HCN1: variants seen among roughly 807,000 people sequenced by gnomAD.
HCN1 encodes the protein hyperpolarization activated cyclic nucleotide gated potassium channel 1.
In HCN1, 13 loss-of-function variants were observed where a neutral mutation model predicts 78.9. That is an observed-to-expected ratio of 0.16 (90% confidence interval 0.11 to 0.26). The LOEUF is 0.26. HCN1 is among the 10% of genes least tolerant of loss of function. The probability of loss-of-function intolerance (pLI) is 1.00; values close to 1 mark genes in which losing one functional copy is unlikely to be tolerated. For synonymous variants in HCN1, 552 were observed against 455.5 expected, an observed-to-expected ratio of 1.21 and a Z score of -2.70; for missense variants, 810 against 1,154.3, an observed-to-expected ratio of 0.70 and a Z score of 4.32.
At chr5:45,656,482 A>T (rs1342860126) in intron 1 of HCN1, among the ~76,000 whole-genome samples, 1 of 152,214 alleles carries the variant, frequency 6.6e-6, no homozygotes, top group Admixed American at 6.5e-5. Flanking sequence ...AGCAGCAAAC[A>T]TAGTGCTAGT....
Position 45,391,076 on chromosome 5 carries a change from G to A in HCN1, c.1230+5416C>T, listed in dbSNP as rs559791773. Among the ~76,000 whole-genome samples the A allele has an allele frequency of 5.1e-5, 7 of 137,262 alleles. No individual in the cohort carries two copies. The South Asian group carries it at 6.2e-4, about 12-fold the overall frequency. The allele number at this position is 137,262 out of a possible 152,430, so 90.0% of individuals were successfully genotyped here. A position where few individuals can be genotyped will look rare whatever the true frequency, so the allele number is the denominator to read the frequency against. On this transcript the variant is annotated intron_variant, in intron 4 of 7. Coordinates refer to ENST00000303230, the MANE Select transcript of HCN1 (RefSeq NM_021072.4). ...CCCGGGAAGCAAAGTACATGCTGTA[G>A]CCTAATAAAAAATTTTTGACTAAGG...
Position 45,643,000 on chromosome 5 carries a change from A to G in HCN1, c.849+2185T>C, listed in dbSNP as rs542476642. Reference sequence around the variant, plus strand: ...CATTTATTACCAAGGTCATTTATTTATAAGAAACATGTTGCCAACCCACAA... The same window carrying G: ...CATTTATTACCAAGGTCATTTATTTGTAAGAAACATGTTGCCAACCCACAA... On this transcript the variant is annotated intron_variant, in intron 2 of 7. Coordinates refer to ENST00000303230, the MANE Select transcript of HCN1 (RefSeq NM_021072.4). 3 of 152,272 alleles carry G rather than the reference A, an allele frequency of 2.0e-5. No individual in the cohort carries two copies. In the South Asian group the frequency reaches 6.2e-4, roughly 32 times the overall value. The allele number at this position is 152,272 out of a possible 1,614,324, so 9.4% of individuals were successfully genotyped here.
chr5:45,358,956 A>G (rs1366364972), intron 4 of HCN1, among the ~76,000 whole-genome samples: 1 of 152,084 alleles, frequency 6.6e-6, no homozygotes, highest in Non-Finnish European at 1.5e-5. Flanking sequence ...CCTTTACTCC[A>G]TGCCTTTCTT....
chr5:45,534,232 A>G (rs1742918045), intron 2 of HCN1, among the ~76,000 whole-genome samples: 1 of 151,152 alleles, frequency 6.6e-6, no homozygotes, highest in South Asian at 2.1e-4. Flanking sequence ...ACCCGTCTCT[A>G]CAAAAAATAC....
chr5:45,527,605 T>C (rs1561189547), intron 2 of HCN1, among the ~76,000 whole-genome samples: 2 of 150,920 alleles, frequency 1.3e-5, no homozygotes, highest in Admixed American at 6.6e-5. Context: ...TCTCTCTCTT[T>C]TCTCTCTCTT....
At chr5:45,292,999 T>C (rs1328031521) in intron 6 of HCN1, among the ~76,000 whole-genome samples, 2 of 152,070 alleles carry the variant, frequency 1.3e-5, no homozygotes, top group Non-Finnish European at 2.9e-5. Flanking sequence ...CTAAATGCTA[T>C]GAAAGCATAA....
At position 45,439,800 on chromosome 5, in the gene HCN1, GA is replaced by G. The variant is rs200785075; in HGVS notation, c.1011+22045del. 8.3e-3 allele frequency among the ~76,000 whole-genome samples: 1,261 copies of G among 152,014 alleles called. 15 individuals are homozygous for G. Among genetic ancestry groups the G allele is most frequent in the African/African-American group, 0.029 (1,212 of 41,496 alleles). On this transcript the variant is annotated intron_variant, in intron 3 of 7. Coordinates refer to ENST00000303230, the MANE Select transcript of HCN1 (RefSeq NM_021072.4). ...TATGTGATATAAATGCTAGTTCACA[GA>G]CGAAGACAAACTTCCTGGAACAGAT... is the stretch of plus-strand genomic sequence containing the variant.
At chr5:45,656,085 T>C (rs1745759844) in intron 1 of HCN1, among the ~76,000 whole-genome samples, 1 of 151,586 alleles carries the variant, frequency 6.6e-6, no homozygotes, top group Non-Finnish European at 1.5e-5. Flanking sequence ...ATGAAGAAGT[T>C]AAATATGACT....
At chr5:45,490,049 A>C (rs994283955) in intron 2 of HCN1, among the ~76,000 whole-genome samples, 3 of 152,200 alleles carry the variant, frequency 2.0e-5, no homozygotes, top group African/African-American at 7.2e-5. Context: ...TTTTTGGATA[A>C]GACATTGCTG....
chr5:45,407,156 T>G (rs1242773935), intron 3 of HCN1, among the ~76,000 whole-genome samples: 4 of 152,078 alleles, frequency 2.6e-5, no homozygotes, highest in African/African-American at 9.7e-5. Context: ...ATAATGATGT[T>G]TCAGTTAATG....
intron 2 of HCN1, among the ~76,000 whole-genome samples, chr5:45,597,245 G>A (rs1188780348): frequency 6.6e-6 from 1 of 152,132 alleles, no homozygotes; most frequent in Non-Finnish European, 1.5e-5. Context: ...TCATCCCTGG[G>A]ATGCAAAGCT....
At chr5:45,672,879 T>C (rs1158365338) in intron 1 of HCN1, among the ~76,000 whole-genome samples, 1 of 151,370 alleles carries the variant, frequency 6.6e-6, no homozygotes, top group Non-Finnish European at 1.5e-5. Context: ...AGAGTTCCCA[T>C]ATATCTCACA....
chr5:45,372,369 CAT>C (rs559695322), intron 4 of HCN1, among the ~76,000 whole-genome samples: 1,485 of 103,384 alleles, frequency 0.014, 49 homozygotes, highest in African/African-American at 0.056. Flanking sequence ...ATATATAAAA[CAT>C]ATATATTATA....
chr5:45,445,692 T>C (rs1740778112), intron 3 of HCN1, among the ~76,000 whole-genome samples: 2 of 152,018 alleles, frequency 1.3e-5, no homozygotes, highest in South Asian at 4.2e-4. Flanking sequence ...AGACAAAACT[T>C]CCAGAGGAAG....
rs532968916 is a variant in HCN1 at position 45,266,454 on chromosome 5, C to T, written c.1783+635G>A. Among the ~76,000 whole-genome samples the T allele has an allele frequency of 1.5e-3, 229 of 152,164 alleles. 1 individual carries two copies. Among genetic ancestry groups the T allele is most frequent in the South Asian group, 8.1e-3 (39 of 4,826 alleles). On this transcript the variant is annotated intron_variant, in intron 7 of 7. Transcript: ENST00000303230. ...TAAAACTTAGTTTGTAATATAGACT[C>T]ATATATCATATTTTTAGTTCTATTT...
intron 5 of HCN1, among the ~76,000 whole-genome samples, chr5:45,341,352 T>G (rs893337237): frequency 2.6e-5 from 4 of 152,214 alleles, no homozygotes; most frequent in African/African-American, 9.6e-5. Context: ...TTCACAATTC[T>G]GACTCAAAAA....
chr5:45,605,617 G>A (rs1414374139), intron 2 of HCN1, among the ~76,000 whole-genome samples: 1 of 151,866 alleles, frequency 6.6e-6, no homozygotes, highest in Admixed American at 6.6e-5. Context: ...TAAAGTTTTT[G>A]TACATTGTAC....
At chr5:45,402,087 A>G (rs892026385) in intron 3 of HCN1, among the ~76,000 whole-genome samples, 1 of 152,116 alleles carries the variant, frequency 6.6e-6, no homozygotes, top group Non-Finnish European at 1.5e-5. Flanking sequence ...GTGTGTACAT[A>G]TATAAAATTT....
At chr5:45,341,285 C>T (rs1286526570) in intron 5 of HCN1, among the ~76,000 whole-genome samples, 1 of 152,136 alleles carries the variant, frequency 6.6e-6, no homozygotes, top group Non-Finnish European at 1.5e-5. Context: ...TTGAAGGAGA[C>T]CAATGATTAA....
Sources: allele counts gnomAD v4.1 joint callset (sites outside exome capture counted in the v4.1 genomes callset), GRCh38; gene constraint gnomAD v4.1.1; transcripts MANE v1.5; gene names NCBI Gene and HGNC (gene_info 2026-07-23, HGNC 2026-07-21).